Variants in FYN observed in about 807,000 individuals in gnomAD.
FYN encodes tyrosine-protein kinase Fyn.
In FYN, 10 loss-of-function variants were observed where a neutral mutation model predicts 70.2. That is an observed-to-expected ratio of 0.14 (90% CI 0.09 to 0.24). The LOEUF (loss-of-function observed/expected upper bound fraction) is 0.24. Among genes scored for constraint, FYN ranks in the 10% least tolerant of loss-of-function variants. The pLI is 1.00. For synonymous variants in FYN, 236 were observed against 248.6 expected (o/e 0.95, Z 0.48); for missense variants, 319 against 673.1 (o/e 0.47, Z 5.82).
Position 111,695,000 on chromosome 6 carries a change from C to T in FYN, c.1043-296G>A, listed in dbSNP as rs144127395. On this transcript the variant is annotated intron_variant, in intron 10 of 13. Transcript: ENST00000354650. The surrounding 1 kb of genome is among the most constrained non-coding windows in gnomAD (Gnocchi z 5.0). Reference sequence around the variant, plus strand: ...TCTCCCTGTATGTCATAAAGAGGAACCTATGAAGAACTGCACCTCTTCAAT... The same window carrying T: ...TCTCCCTGTATGTCATAAAGAGGAATCTATGAAGAACTGCACCTCTTCAAT... Among the ~76,000 whole-genome samples the T allele has an allele frequency of 4.6e-5, 7 of 152,288 alleles. No individual in the cohort carries two copies. The highest frequency in any genetic ancestry group is 1.7e-4 in the African/African-American group (7 of 41,562).
At chr6:111,844,381 T>C (rs1410247368) in intron 2 of FYN, among the ~76,000 whole-genome samples, 1 of 152,226 alleles carries the variant, frequency 6.6e-6, no homozygotes, top group Non-Finnish European at 1.5e-5. Flanking sequence ...CATTTACTTA[T>C]ACAACAGATG....
chr6:111,794,201 G>C (rs977855213), intron 2 of FYN, among the ~76,000 whole-genome samples: 1 of 152,218 alleles, frequency 6.6e-6, no homozygotes, highest in Non-Finnish European at 1.5e-5. Flanking sequence ...TTAAATTCAA[G>C]CTCTGTTGTT....
At position 111,694,350 on chromosome 6, in the gene FYN, G is replaced by T; in HGVS notation, c.1273+25C>A. The T allele has an allele frequency of 6.2e-7, 1 of 1,613,188 alleles. No homozygotes were observed. The highest frequency in any genetic ancestry group is 1.1e-5 in the South Asian group (1 of 91,000). ...TGACTGTTCTCACAGCTGTGATCACGAGCCATTGTCATTCAAGTGCCCACC... is the reference window on the plus strand; with the variant it reads ...TGACTGTTCTCACAGCTGTGATCACTAGCCATTGTCATTCAAGTGCCCACC... On this transcript the variant is annotated intron_variant, in intron 12 of 13. Coordinates refer to ENST00000354650, the MANE Select transcript of FYN (RefSeq NM_002037.5). This position sits in a 1 kb window ranked among gnomAD's most constrained non-coding sequence, Gnocchi z 5.0.
intron 2 of FYN, among the ~76,000 whole-genome samples, chr6:111,825,762 A>C (rs903009402): frequency 5.3e-5 from 8 of 152,098 alleles, no homozygotes; most frequent in Admixed American, 4.6e-4. Flanking sequence ...CAGTTAGGAA[A>C]GGCTTGGGGG....
intron 2 of FYN, among the ~76,000 whole-genome samples, chr6:111,824,767 C>G (rs1363820272): frequency 6.6e-6 from 1 of 152,202 alleles, no homozygotes; most frequent in South Asian, 2.1e-4. Flanking sequence ...CCACTACTCA[C>G]TATTCAAATG....
intron 2 of FYN, among the ~76,000 whole-genome samples, chr6:111,813,493 C>T (rs1469927340): frequency 2.0e-5 from 3 of 152,118 alleles, no homozygotes; most frequent in African/African-American, 7.2e-5. Context: ...AAATGAAATC[C>T]CAGTGTTTCT....
intron 2 of FYN, among the ~76,000 whole-genome samples, chr6:111,807,584 C>G (rs575893770): frequency 1.4e-4 from 21 of 152,288 alleles, no homozygotes; most frequent in Non-Finnish European, 1.5e-5. Context: ...TGCCCTTTAT[C>G]TAGTCACCTG....
chr6:111,703,464 G>A (rs768577318), intron 7 of FYN, among the ~76,000 whole-genome samples: 6 of 152,210 alleles, frequency 3.9e-5, no homozygotes, highest in Non-Finnish European at 8.8e-5. Flanking sequence ...TTCTCTAGAA[G>A]TGAGCTTCAA....
intron 2 of FYN, among the ~76,000 whole-genome samples, chr6:111,827,016 C>G (rs912072433): frequency 1.3e-5 from 2 of 152,158 alleles, no homozygotes; most frequent in Non-Finnish European, 1.5e-5. Flanking sequence ...GAGCCCTTAT[C>G]AGAGCTCTTT....
chr6:111,867,302 A>G (rs1409177147), intron 1 of FYN, among the ~76,000 whole-genome samples: 1 of 151,892 alleles, frequency 6.6e-6, no homozygotes, highest in Non-Finnish European at 1.5e-5. Context: ...CGAAACCCCA[A>G]TAATTAGCCG....
chr6:111,856,266 T>C (rs960387735), intron 1 of FYN, among the ~76,000 whole-genome samples: 2 of 152,232 alleles, frequency 1.3e-5, no homozygotes, highest in Non-Finnish European at 2.9e-5. Context: ...CCAGGGACTT[T>C]GCATCTAAGA....
intron 3 of FYN, among the ~76,000 whole-genome samples, chr6:111,757,295 C>G (rs1802780945): frequency 6.6e-6 from 1 of 152,140 alleles, no homozygotes; most frequent in South Asian, 2.1e-4. Context: ...ACCAGATAAG[C>G]ACAGGATAAT....
At chr6:111,770,003 G>C (rs1323572681) in intron 3 of FYN, among the ~76,000 whole-genome samples, 5 of 151,728 alleles carry the variant, frequency 3.3e-5, no homozygotes, top group African/African-American at 1.2e-4. Context: ...TTAGATGGGG[G>C]GAGGGCAAAA....
Position 111,690,020 on chromosome 6 carries a change from G to A in FYN, c.1273+4355C>T, listed in dbSNP as rs142881044. Among the ~76,000 whole-genome samples, 149 of 152,230 alleles carry A rather than the reference G, an allele frequency of 9.8e-4. 2 individuals are homozygous for A. Among genetic ancestry groups the A allele is most frequent in the African/African-American group, 3.1e-3 (127 of 41,538 alleles). ...TGTTAGGTTTAAATCAACATTAGTC[G>A]GCACTGAAAGCTCATGAAGAAAAAA... On this transcript the variant is annotated intron_variant, in intron 12 of 13. Transcript: ENST00000354650.
In FYN at chr6:111,765,500, C is replaced by T. The variant is rs140114770; in HGVS notation, c.-12+15066G>A. ...ACCATGAACTTGGACTTTCAGTCTC[C>T]AGACTATGAGAAAATATGATTCTGT... On this transcript the variant is annotated intron_variant, in intron 3 of 13. Transcript: ENST00000354650. 5.0e-4 allele frequency among the ~76,000 whole-genome samples: 76 copies of T among 152,286 alleles called. 2 individuals are homozygous for T. Among genetic ancestry groups the T allele is most frequent in the East Asian group, 1.9e-4 (1 of 5,166 alleles).
intron 9 of FYN, 183 bp from the exon 10 acceptor site, chr6:111,696,639 A>G (rs1156457480): frequency 4.0e-6 from 2 of 502,698 alleles, no homozygotes; most frequent in African/African-American, 2.0e-5. Context: ...AAATGAGTTT[A>G]TTTGTGGTTA....
chr6:111,855,713 T>C (rs1025675697), intron 1 of FYN, among the ~76,000 whole-genome samples: 1 of 152,154 alleles, frequency 6.6e-6, no homozygotes, highest in African/African-American at 2.4e-5. Flanking sequence ...TTTAAAAAGT[T>C]TGGGTGTATT....
intron 1 of FYN, among the ~76,000 whole-genome samples, chr6:111,853,603 G>C (rs893343973): frequency 3.3e-5 from 5 of 152,124 alleles, no homozygotes; most frequent in African/African-American, 7.2e-5. Flanking sequence ...TGATCTCATA[G>C]AGATTCTTTT....
At chr6:111,800,383 A>T (rs185414253) in intron 2 of FYN, among the ~76,000 whole-genome samples, 30 of 152,276 alleles carry the variant, frequency 2.0e-4, no homozygotes, top group Non-Finnish European at 3.2e-4. Context: ...AAGGCTCTAC[A>T]GCTTGTGGGA....
Sources: gnomAD v4.1 joint callset for allele counts (sites outside exome capture counted in the v4.1 genomes callset) on GRCh38, gnomAD v4.1.1 for gene constraint, Gnocchi (gnomAD v3.1) non-coding constraint, MANE v1.5 for transcripts, NCBI Gene and HGNC (gene_info 2026-07-23, HGNC 2026-07-21) for gene names.